The following RAPGEF4 variants were observed in gnomAD, a reference collection of about 807,000 sequenced individuals.
RAPGEF4 encodes Rap guanine nucleotide exchange factor 4.
Under a neutral mutation model 147.9 loss-of-function variants are expected in RAPGEF4, and 66 were observed. That is an observed-to-expected ratio of 0.45 (90% CI 0.37 to 0.55). The LOEUF (loss-of-function observed/expected upper bound fraction) is 0.55. Ranked by LOEUF, RAPGEF4 falls within the 20% of genes least tolerant of loss-of-function variation. The probability of loss-of-function intolerance (pLI) is 0.00; values close to 1 mark genes in which losing one functional copy is unlikely to be tolerated. For synonymous variants in RAPGEF4, 419 were observed against 442.7 expected, an observed-to-expected ratio of 0.95 and a Z score of 0.67; for missense variants, 1,071 against 1,257.3, an observed-to-expected ratio of 0.85 and a Z score of 2.24.
chr2:172,886,518 A>G lies in RAPGEF4; in HGVS notation c.445-31284A>G, dbSNP rs140006010. Among the ~76,000 whole-genome samples the G allele has an allele frequency of 1.2e-3, 186 of 152,350 alleles. 1 individual carries two copies. The highest frequency in any genetic ancestry group is 6.8e-3 in the Middle Eastern group (2 of 294). On this transcript the variant is annotated intron_variant, in intron 4 of 30. Coordinates refer to ENST00000397081, the MANE Select transcript of RAPGEF4 (RefSeq NM_007023.4). ...AATATAAATATGTCTGACTTGAAACAAAGTTTCCATGAATGCATTTCTTCC... is the reference window on the plus strand; with the variant it reads ...AATATAAATATGTCTGACTTGAAACGAAGTTTCCATGAATGCATTTCTTCC...
intron 2 of RAPGEF4, among the ~76,000 whole-genome samples, chr2:172,795,773 A>G (rs1172062935): frequency 6.6e-6 from 1 of 152,240 alleles, no homozygotes; most frequent in Non-Finnish European, 1.5e-5. Context: ...GTCCTGAGGT[A>G]GAATGACTTC....
chr2:172,993,119 C>T (rs1266555186), intron 15 of RAPGEF4, among the ~76,000 whole-genome samples: 1 of 152,046 alleles, frequency 6.6e-6, no homozygotes, highest in African/African-American at 2.4e-5. Flanking sequence ...CCTGAAAAAT[C>T]CAGAATAGTT....
intron 4 of RAPGEF4, among the ~76,000 whole-genome samples, chr2:172,845,682 T>C (rs2149716664): frequency 6.6e-6 from 1 of 152,350 alleles, no homozygotes; most frequent in East Asian, 1.9e-4. Flanking sequence ...AAATTGTGGT[T>C]AAGATGCACA....
At chr2:172,956,521 G>A (rs895082817) in intron 6 of RAPGEF4, among the ~76,000 whole-genome samples, 1 of 148,558 alleles carries the variant, frequency 6.7e-6, no homozygotes, top group Non-Finnish European at 1.5e-5. Flanking sequence ...CCAGGCTGGA[G>A]TGCAGTGGCA....
chr2:172,814,841 G>A (rs1035467435), intron 4 of RAPGEF4: 1 of 252,626 alleles, frequency 4.0e-6, no homozygotes, highest in Non-Finnish European at 7.9e-6. Context: ...TCATTTAAGT[G>A]CTTTTAAAAA....
intron 1 of RAPGEF4, among the ~76,000 whole-genome samples, chr2:172,747,321 C>G (rs1382792474): frequency 6.6e-6 from 1 of 152,178 alleles, no homozygotes; most frequent in Admixed American, 6.5e-5. Flanking sequence ...ATATTCATCA[C>G]CTCATATAGT....
chr2:172,827,899 A>T (rs1266344889), intron 4 of RAPGEF4, among the ~76,000 whole-genome samples: 1 of 152,136 alleles, frequency 6.6e-6, no homozygotes, highest in Non-Finnish European at 1.5e-5. Context: ...CCCAAGGATT[A>T]AGGTTCAAAC....
chr2:172,817,896 ATC>A (rs1688664839), intron 4 of RAPGEF4, among the ~76,000 whole-genome samples: 1 of 123,808 alleles, frequency 8.1e-6, no homozygotes, highest in Non-Finnish European at 1.7e-5. Flanking sequence ...ATATATATAT[ATC>A]ACAATTATAT....
chr2:173,041,898 CA>C (rs74859493), intron 29 of RAPGEF4, among the ~76,000 whole-genome samples: 12,398 of 152,244 alleles, frequency 0.081, 653 homozygotes, highest in African/African-American at 0.13. Context: ...TCCCCTCCTC[CA>C]AAATAGTCTT....
chr2:173,034,115 T>C (rs549963678), intron 27 of RAPGEF4, 151 bp downstream of exon 27: 56 of 675,242 alleles, frequency 8.3e-5, no homozygotes, highest in Non-Finnish European at 1.2e-4. Flanking sequence ...AAAACAAGCA[T>C]GTCTGACTAA....
intron 4 of RAPGEF4, among the ~76,000 whole-genome samples, chr2:172,876,054 A>G (rs1695881215): frequency 6.6e-6 from 1 of 152,048 alleles, no homozygotes; most frequent in African/African-American, 2.4e-5. Flanking sequence ...CTTGTCTGTT[A>G]TTGGTGTATA....
chr2:172,858,349 T>A (rs1334673438), intron 4 of RAPGEF4, among the ~76,000 whole-genome samples: 1 of 152,234 alleles, frequency 6.6e-6, no homozygotes, highest in Non-Finnish European at 1.5e-5. Context: ...TAAGCTGATT[T>A]GTAGAGTAGT....
intron 17 of RAPGEF4, among the ~76,000 whole-genome samples, chr2:173,008,395 A>G (rs1292906496): frequency 6.6e-6 from 1 of 152,220 alleles, no homozygotes; most frequent in Non-Finnish European, 1.5e-5. Flanking sequence ...TAAACCTTAA[A>G]GTCCCATATA....
chr2:172,741,772 A>C (rs565511462), intron 1 of RAPGEF4, among the ~76,000 whole-genome samples: 34 of 152,218 alleles, frequency 2.2e-4, no homozygotes, highest in Non-Finnish European at 4.0e-4. Context: ...CCTGGGTTCA[A>C]ACGATCCTCC....
At chr2:172,773,827 T>C (rs1200173022) in intron 1 of RAPGEF4, among the ~76,000 whole-genome samples, 1 of 152,024 alleles carries the variant, frequency 6.6e-6, no homozygotes, top group East Asian at 1.9e-4. Flanking sequence ...AAGAAACTGA[T>C]CACATAATCG....
intron 1 of RAPGEF4, among the ~76,000 whole-genome samples, chr2:172,737,378 G>GA (rs1693892709): frequency 6.6e-6 from 1 of 152,088 alleles, no homozygotes; most frequent in Non-Finnish European, 1.5e-5. Context: ...AATAGTTCAG[G>GA]AAAAAGGAAT....
intron 22 of RAPGEF4, among the ~76,000 whole-genome samples, chr2:173,019,577 G>A (rs1409296188): frequency 6.6e-6 from 1 of 152,224 alleles, no homozygotes; most frequent in Non-Finnish European, 1.5e-5. Flanking sequence ...GCCATTTGGC[G>A]GAATCCTTCA....
intron 1 of RAPGEF4, among the ~76,000 whole-genome samples, chr2:172,785,500 TGGA>T (rs769667894): frequency 6.3e-4 from 96 of 152,318 alleles, no homozygotes; most frequent in Non-Finnish European, 1.2e-3. Flanking sequence ...AGTTCTTCAC[TGGA>T]GGAGATGAGC....
At chr2:172,922,631 A>C (rs566654161) in intron 6 of RAPGEF4, among the ~76,000 whole-genome samples, 1 of 152,234 alleles carries the variant, frequency 6.6e-6, no homozygotes, top group Non-Finnish European at 1.5e-5. Flanking sequence ...GCATATAGAA[A>C]ACTAGTTGTT....
Sources: gnomAD v4.1 joint callset for allele counts (sites outside exome capture counted in the v4.1 genomes callset) on GRCh38, gnomAD v4.1.1 for gene constraint, MANE v1.5 for transcripts, NCBI Gene and HGNC (gene_info 2026-07-23, HGNC 2026-07-21) for gene names.